Variants in JADE3 observed in about 807,000 individuals in gnomAD.
The protein encoded by JADE3 is jade family PHD finger 3, also known as protein Jade-3.
Under a neutral mutation model 50.1 loss-of-function variants are expected in JADE3, and 2 were observed. That is an observed-to-expected ratio of 0.04 (90% CI 0.02 to 0.13). JADE3 has a LOEUF of 0.13. Among genes scored for constraint, JADE3 ranks in the 10% least tolerant of loss-of-function variants. JADE3 has a pLI of 1.00. For synonymous variants in JADE3, 218 were observed against 232.9 expected (o/e 0.94, Z 0.58); for missense variants, 475 against 634.4 (o/e 0.75, Z 2.70).
chrX:46,928,013 C>T (rs1184010353), intron 1 of JADE3, among the ~76,000 whole-genome samples: 2 of 112,155 alleles, frequency 1.8e-5, no homozygotes, highest in East Asian at 2.8e-4. Flanking sequence ...GTAATGTTTT[C>T]ACATGGTACA....
intron 1 of JADE3, among the ~76,000 whole-genome samples, chrX:46,915,680 C>G (rs1470103028): frequency 9.1e-6 from 1 of 110,382 alleles, no homozygotes; most frequent in Non-Finnish European, 1.9e-5. Flanking sequence ...TTGCCTTGTT[C>G]CTGTAGGTCT....
chrX:47,034,081 G>A (rs1929081564), intron 7 of JADE3, among the ~76,000 whole-genome samples: 1 of 111,084 alleles, frequency 9.0e-6, no homozygotes, highest in Non-Finnish European at 1.9e-5. Context: ...GGTATATCAT[G>A]TATAAATTGA....
intron 1 of JADE3, among the ~76,000 whole-genome samples, chrX:46,950,589 G>T: frequency 8.9e-6 from 1 of 112,331 alleles, no homozygotes; most frequent in East Asian, 2.8e-4. Context: ...GAACAGTGCT[G>T]CAGTGAGCAT....
chrX:47,002,986 TGTGTGG>T (rs1261662144), intron 4 of JADE3, among the ~76,000 whole-genome samples: 3 of 111,804 alleles, frequency 2.7e-5, no homozygotes, highest in Non-Finnish European at 5.6e-5. Context: ...CTACTCCTAA[TGTGTGG>T]TAGTTTTTTT....
At chrX:47,019,163 GGGAA>G (rs1928740499) in intron 4 of JADE3, among the ~76,000 whole-genome samples, 1 of 111,383 alleles carries the variant, frequency 9.0e-6, no homozygotes, top group Non-Finnish European at 1.9e-5. Flanking sequence ...CCTATTTAAG[GGGAA>G]GGGAGATAGA....
Position 47,059,004 on chromosome X carries a change from C to T in JADE3, c.2399C>T (p.Pro800Leu). 1.7e-6 allele frequency: 2 copies of T among 1,209,040 alleles called. No homozygotes were observed. Among genetic ancestry groups the T allele is most frequent in the Non-Finnish European group, 2.2e-6 (2 of 894,128 alleles). Reference sequence around the variant, plus strand: ...GATAGCTCAGACAGGGAAAATCCTCCCCATGACTCTAGACGGGATTGCCAT... The same window carrying T: ...GATAGCTCAGACAGGGAAAATCCTCTCCATGACTCTAGACGGGATTGCCAT... ...RKDSSDRENP[P>L]HDSRRDCHGK... The change falls in exon 11 of 11, where the codon CCC (proline) becomes CTC (leucine). Residue 800 changes from proline (P) to leucine (L), a missense_variant. Coordinates refer to ENST00000614628, the MANE Select transcript of JADE3 (RefSeq NM_014735.5).
intron 3 of JADE3, among the ~76,000 whole-genome samples, chrX:46,994,624 A>T (rs1154782): frequency 0.35 from 38,794 of 110,595 alleles, 6,052 homozygotes; most frequent in Non-Finnish European, 0.48. Context: ...AAAGTTCTTG[A>T]TGGGGCTCTT....
chrX:46,953,467 A>G (rs148172561), intron 1 of JADE3, among the ~76,000 whole-genome samples: 1,574 of 111,556 alleles, frequency 0.014, 27 homozygotes, highest in African/African-American at 0.049. Flanking sequence ...ATAGTTGCCC[A>G]TATTTTCTTT....
intron 1 of JADE3, among the ~76,000 whole-genome samples, chrX:46,923,081 TG>T (rs1556338097): frequency 9.0e-6 from 1 of 110,895 alleles, no homozygotes; most frequent in African/African-American, 3.3e-5. Context: ...GGCATGATCA[TG>T]GCTCACTGCA....
intron 8 of JADE3, among the ~76,000 whole-genome samples, chrX:47,051,173 T>C (rs1171155085): frequency 9.0e-6 from 1 of 111,276 alleles, no homozygotes; most frequent in Admixed American, 9.6e-5. Flanking sequence ...CTCGAGGAAA[T>C]TCAAGCAATA....
intron 4 of JADE3, among the ~76,000 whole-genome samples, chrX:47,008,517 A>G (rs1449511000): frequency 3.6e-5 from 4 of 112,337 alleles, no homozygotes; most frequent in African/African-American, 1.3e-4. Flanking sequence ...TTCAAATTAT[A>G]TTATATTAAA....
intron 1 of JADE3, among the ~76,000 whole-genome samples, chrX:46,916,373 A>G (rs1451475176): frequency 9.0e-6 from 1 of 111,695 alleles, no homozygotes; most frequent in African/African-American, 3.3e-5. Context: ...AGAGATTGGT[A>G]CTTATCAAGG....
At chrX:47,016,274 C>T (rs782691366) in intron 4 of JADE3, among the ~76,000 whole-genome samples, 17 of 111,866 alleles carry the variant, frequency 1.5e-4, no homozygotes, top group South Asian at 7.5e-4. Context: ...TCGCACTTCT[C>T]TGCTGCTCTT....
At chrX:47,023,619 A>T in intron 4 of JADE3, among the ~76,000 whole-genome samples, 1 of 112,748 alleles carries the variant, frequency 8.9e-6, no homozygotes, top group East Asian at 2.8e-4. Context: ...CCTTATATAA[A>T]GTAAGTGGCC....
At chrX:47,019,851 T>C (rs1372697655) in intron 4 of JADE3, among the ~76,000 whole-genome samples, 3 of 111,727 alleles carry the variant, frequency 2.7e-5, no homozygotes, top group Admixed American at 9.5e-5. Flanking sequence ...GCCACTGGTC[T>C]CCCCTGGAGA....
intron 3 of JADE3, among the ~76,000 whole-genome samples, chrX:46,989,112 A>G (rs1927925486): frequency 9.0e-6 from 1 of 111,673 alleles, no homozygotes; most frequent in South Asian, 3.8e-4. Flanking sequence ...TGCTGGGATT[A>G]CAGACGTGAG....
Position 47,046,367 on chromosome X carries a change from G to T in JADE3, c.972+7302G>T, listed in dbSNP as rs782319554. On this transcript the variant is annotated intron_variant, in intron 8 of 10. Coordinates refer to ENST00000614628, the MANE Select transcript of JADE3 (RefSeq NM_014735.5). ...AATCTGAACGGACCAGTAACAGATG[G>T]TGAGATTGAAGTCGTTATAAAAAGT... Among the ~76,000 whole-genome samples the T allele has an allele frequency of 2.4e-4, 27 of 111,974 alleles. No homozygotes were observed. The South Asian group carries it at 1.0e-2, about 41-fold the overall frequency.
At position 46,967,322 on chromosome X, in the gene JADE3, C is replaced by T. The variant is rs73201904; in HGVS notation, c.-11-17562C>T. Among the ~76,000 whole-genome samples the T allele has an allele frequency of 7.0e-3, 786 of 111,846 alleles. 5 individuals are homozygous for T. Among genetic ancestry groups the T allele is most frequent in the Non-Finnish European group, 9.4e-3 (498 of 53,153 alleles). On this transcript the variant is annotated intron_variant, in intron 1 of 10. Coordinates refer to ENST00000614628, the MANE Select transcript of JADE3 (RefSeq NM_014735.5). ...ACAGGTATTTTTTTGACAAGATGGT[C>T]ACTTTCCACACACAGCAACAAAGAG...
At chrX:47,013,373 A>G (rs1425874291) in intron 4 of JADE3, among the ~76,000 whole-genome samples, 3 of 111,987 alleles carry the variant, frequency 2.7e-5, no homozygotes, top group Non-Finnish European at 3.8e-5. Context: ...AAATTTTTTT[A>G]TCTAGTTTGA....
Sources: allele counts gnomAD v4.1 joint callset (sites outside exome capture counted in the v4.1 genomes callset), GRCh38; gene constraint gnomAD v4.1.1; transcripts MANE v1.5; gene names NCBI Gene and HGNC (gene_info 2026-07-23, HGNC 2026-07-21).